The following RAB3D variants were observed in gnomAD, a reference collection of about 807,000 sequenced individuals.
RAB3D encodes the protein RAB3D, member RAS oncogene family, also known as ras-related protein Rab-3D.
RAB3D carries 17 observed loss-of-function variants against 19.3 expected under a neutral mutation model. The observed-to-expected ratio is 0.88, with a 90% CI of 0.60 to 1.32. The LOEUF is 1.32. RAB3D is among the 40% of genes most tolerant of loss of function. The pLI is 0.00. For synonymous variants in RAB3D, 103 were observed against 119.9 expected, an observed-to-expected ratio of 0.86 and a Z score of 0.92; for missense variants, 223 against 299.1, an observed-to-expected ratio of 0.75 and a Z score of 1.88.
chr19:11,335,805 T>C (rs1599359954), intron 2 of RAB3D, 22 bp from the exon 3 acceptor site: 1 of 1,606,390 alleles, frequency 6.2e-7, no homozygotes, highest in Non-Finnish European at 8.5e-7. Flanking sequence ...GCAGTGGCAG[T>C]TGGCTGGGAA....
In RAB3D at chr19:11,325,427, C is replaced by T. The variant is rs1216306306; in HGVS notation, c.631G>A (p.Ala211Thr). 2 of 1,602,084 alleles carry T rather than the reference C, an allele frequency of 1.2e-6. No individual in the cohort carries two copies. Among genetic ancestry groups the T allele is most frequent in the South Asian group, 2.2e-5 (2 of 90,832 alleles). Residue 211 changes from alanine to threonine, a missense_variant, in exon 5 of 5, where the codon GCC (alanine) becomes ACC (threonine). By Grantham distance (58) the Ala-to-Thr change is moderately conservative. Transcript: ENST00000222120. ...GKGPAVGDAP[A>T]PQPSSCSC is the part of the protein sequence containing the mutation. ...CAGCTGCAGCTGCTGGGCTGGGGGG[C>T]TGGAGCATCCCCCACGGCCGGGCCT...
intron 4 of RAB3D, among the ~76,000 whole-genome samples, chr19:11,326,551 C>G (rs1227460059): frequency 6.6e-6 from 1 of 152,224 alleles, no homozygotes. Context: ...AGCTTCCACC[C>G]AATTTCTGCT....
At chr19:11,331,290 C>T (rs1440988423) in intron 4 of RAB3D, among the ~76,000 whole-genome samples, 2 of 151,426 alleles carry the variant, frequency 1.3e-5, no homozygotes, top group Admixed American at 6.6e-5. Context: ...AGCAAGACTC[C>T]GTGTAAAAAA....
intron 4 of RAB3D, among the ~76,000 whole-genome samples, chr19:11,331,332 C>T (rs1434963029): frequency 6.6e-6 from 1 of 151,870 alleles, no homozygotes; most frequent in Non-Finnish European, 1.5e-5. Flanking sequence ...AGCTGTGTCT[C>T]AGAAAAACTT....
chr19:11,336,554 C>T (rs1038235983), intron 2 of RAB3D, among the ~76,000 whole-genome samples: 2 of 151,980 alleles, frequency 1.3e-5, no homozygotes, highest in African/African-American at 4.8e-5. Flanking sequence ...AAGTGATGCT[C>T]CACCTCAGCC....
intron 4 of RAB3D, among the ~76,000 whole-genome samples, chr19:11,328,239 C>G (rs2080822479): frequency 6.8e-6 from 1 of 147,064 alleles, no homozygotes; most frequent in African/African-American, 2.6e-5. Flanking sequence ...GAGGCTGAAG[C>G]AGGAGGATCA....
At chr19:11,329,550 C>T (rs576148681) in intron 4 of RAB3D, among the ~76,000 whole-genome samples, 234 of 149,832 alleles carry the variant, frequency 1.6e-3, no homozygotes, top group African/African-American at 4.8e-3. Flanking sequence ...GAGGTTGCAG[C>T]GAGCCAAGAT....
At position 11,335,587 on chromosome 19, in the gene RAB3D, T is replaced by C. The variant is rs2080849738; in HGVS notation, c.348-16A>G. 6.2e-7 allele frequency: 1 copy of C among 1,613,752 alleles called. No individual in the cohort carries two copies. The highest frequency in any genetic ancestry group is 8.5e-7 in the Non-Finnish European group (1 of 1,179,832). Reference sequence around the variant, plus strand: ...TTGCGTGGCCCTGCAGAGTTACCAGTGGTGAGCCATGAGCCGGGGGGGTTA... The same window carrying C: ...TTGCGTGGCCCTGCAGAGTTACCAGCGGTGAGCCATGAGCCGGGGGGGTTA... On this transcript the variant is annotated splice_polypyrimidine_tract_variant and intron_variant, in intron 3 of 4. Coordinates refer to ENST00000222120, the MANE Select transcript of RAB3D (RefSeq NM_004283.4).
Position 11,325,061 on chromosome 19 carries a change from A to G in RAB3D, c.*337T>C. On this transcript the variant is annotated 3_prime_UTR_variant, in exon 5 of 5. Transcript: ENST00000222120. Reference sequence around the variant, plus strand: ...GGAAAATGGTTCTAAGCTAGAAGGCACCACGGATGCCCCTCCATCAGAAAG... The same window carrying G: ...GGAAAATGGTTCTAAGCTAGAAGGCGCCACGGATGCCCCTCCATCAGAAAG... 1 of 231,952 alleles carries G rather than the reference A, an allele frequency of 4.3e-6. No individual in the cohort carries two copies. The highest frequency in any genetic ancestry group is 5.1e-5 in the Admixed American group (1 of 19,596). 14.4% of individuals were successfully genotyped at this position (231,952 alleles called of 1,614,324 possible).
chr19:11,338,119 C>T (rs1445594580), intron 1 of RAB3D, among the ~76,000 whole-genome samples: 3 of 152,182 alleles, frequency 2.0e-5, no homozygotes, highest in East Asian at 1.9e-4. Context: ...ACACACGTAA[C>T]GGTCATTAGA....
At chr19:11,330,660 C>T (rs957363987) in intron 4 of RAB3D, among the ~76,000 whole-genome samples, 10 of 152,144 alleles carry the variant, frequency 6.6e-5, no homozygotes, top group African/African-American at 2.4e-4. Flanking sequence ...AGCAATTCTC[C>T]TGCCTCAGCC....
rs2080783385 is a variant in RAB3D at position 11,322,108 on chromosome 19, T to C, written c.*3290A>G. 6.6e-6 allele frequency: 1 copy of C among 151,996 alleles called. No individual in the cohort carries two copies. The highest frequency in any genetic ancestry group is 2.4e-5 in the African/African-American group (1 of 41,354). 9.4% of individuals were successfully genotyped at this position (151,996 alleles called of 1,614,324 possible). ...TTTAAGTTTTTCTTGTTGAGAAGAG[T>C]ACATCTTTCCAAACTGGACATCAAG... On this transcript the variant is annotated 3_prime_UTR_variant, in exon 5 of 5. Transcript: ENST00000222120.
intron 4 of RAB3D, among the ~76,000 whole-genome samples, chr19:11,330,679 A>C (rs1489479837): frequency 6.6e-6 from 1 of 152,060 alleles, no homozygotes; most frequent in Non-Finnish European, 1.5e-5. Flanking sequence ...CCTCCTGAGT[A>C]GCTGGGATTA....
At chr19:11,334,818 G>GA (rs2080846571) in intron 4 of RAB3D, among the ~76,000 whole-genome samples, 1 of 152,086 alleles carries the variant, frequency 6.6e-6, no homozygotes, top group Non-Finnish European at 1.5e-5. Context: ...AGCTACTTGG[G>GA]AGGCTGAAGC....
In RAB3D at chr19:11,323,810, G is replaced by A. The variant is rs540321807; in HGVS notation, c.*1588C>T. Reference sequence around the variant, plus strand: ...CAACCTCTGAAACAGAGTCAGGGACGTGGGAACATAAAACATCCACTTAGC... The same window carrying A: ...CAACCTCTGAAACAGAGTCAGGGACATGGGAACATAAAACATCCACTTAGC... On this transcript the variant is annotated 3_prime_UTR_variant, in exon 5 of 5. Transcript: ENST00000222120. 2.0e-5 allele frequency: 3 copies of A among 152,232 alleles called. No homozygotes were observed. Among genetic ancestry groups the A allele is most frequent in the Non-Finnish European group, 4.4e-5 (3 of 68,072 alleles). The allele number at this position is 152,232 out of a possible 1,614,324, so 9.4% of individuals were successfully genotyped here. A position where few individuals can be genotyped will look rare whatever the true frequency, so the allele number is the denominator to read the frequency against.
intron 4 of RAB3D, among the ~76,000 whole-genome samples, chr19:11,328,893 G>C (rs1227534909): frequency 6.7e-6 from 1 of 150,372 alleles, no homozygotes; most frequent in Non-Finnish European, 1.5e-5. Flanking sequence ...AACAATTACT[G>C]TTGGCGTTTT....
Position 11,325,426 on chromosome 19 carries a change from G to GGGGGGGGGGGGCCC in RAB3D, c.631_632insGGGCCCCCCCCCCC (p.Ala211GlyfsTer36). ...GCAGCTGCAGCTGCTGGGCTGGGGG[G>GGGGGGGGGGGGCCC]CTGGAGCATCCCCCACGGCCGGGCC... is the stretch of plus-strand genomic sequence containing the variant. On this transcript the variant is annotated frameshift_variant, in exon 5 of 5. Transcript: ENST00000222120. LOFTEE classifies it high-confidence loss of function. The GGGGGGGGGGGGCCC allele has an allele frequency of 1.2e-6, 1 of 825,490 alleles. No homozygotes were observed. The highest frequency in any genetic ancestry group is 1.8e-6 in the Non-Finnish European group (1 of 553,950). 51.1% of individuals were successfully genotyped at this position (825,490 alleles called of 1,614,324 possible).
intron 4 of RAB3D, among the ~76,000 whole-genome samples, chr19:11,331,929 G>A (rs944795674): frequency 3.3e-5 from 5 of 152,174 alleles, no homozygotes; most frequent in East Asian, 1.9e-4. Context: ...AAAAGGAAAA[G>A]TATTTTGGGG....
At position 11,322,781 on chromosome 19, in the gene RAB3D, G is replaced by A. The variant is rs1312124581; in HGVS notation, c.*2617C>T. 6.6e-6 allele frequency: 1 copy of A among 152,186 alleles called. No individual in the cohort carries two copies. Among genetic ancestry groups the A allele is most frequent in the Admixed American group, 6.5e-5 (1 of 15,272 alleles). 9.4% of individuals were successfully genotyped at this position (152,186 alleles called of 1,614,324 possible). A position where few individuals can be genotyped will look rare whatever the true frequency, so the allele number is the denominator to read the frequency against. Reference sequence around the variant, plus strand: ...AAATCTTATGTAAACAGAAAGCTTAGGCCAGGTCAGGAGTAAAATGCAGTC... The same window carrying A: ...AAATCTTATGTAAACAGAAAGCTTAAGCCAGGTCAGGAGTAAAATGCAGTC... On this transcript the variant is annotated 3_prime_UTR_variant, in exon 5 of 5. Transcript: ENST00000222120.
Sources: allele counts gnomAD v4.1 joint callset (sites outside exome capture counted in the v4.1 genomes callset), GRCh38; gene constraint gnomAD v4.1.1; transcripts MANE v1.5; gene names NCBI Gene and HGNC (gene_info 2026-07-23, HGNC 2026-07-21).